Variants in GPRC6A observed in about 807,000 individuals in gnomAD.
GPRC6A encodes G protein-coupled receptor family C group 6 member A.
In GPRC6A, 54 loss-of-function variants were observed where a neutral mutation model predicts 47.0. The observed-to-expected ratio is 1.15, with a 90% CI of 0.92 to 1.44. GPRC6A has a LOEUF of 1.44. Ranked by LOEUF, GPRC6A falls within the 40% of genes most tolerant of loss-of-function variation. GPRC6A has a pLI of 0.00. For synonymous variants in GPRC6A, 347 were observed against 377.1 expected (o/e 0.92, Z 0.93); for missense variants, 1,112 against 1,105.5 (o/e 1.01, Z -0.08).
At chr6:116,812,727 T>C (rs999031003) in intron 1 of GPRC6A, among the ~76,000 whole-genome samples, 8 of 152,194 alleles carry the variant, frequency 5.3e-5, no homozygotes, top group African/African-American at 1.4e-4. Context: ...TCACCACTCC[T>C]ATTCAACATA....
chr6:116,806,956 G>C lies in GPRC6A; in HGVS notation c.749C>G (p.Ser250Ter). The C allele has an allele frequency of 6.2e-7, 1 of 1,613,502 alleles. No individual in the cohort carries two copies. The highest frequency in any genetic ancestry group is 8.5e-7 in the Non-Finnish European group (1 of 1,179,646). The change falls in exon 3 of 6, where the codon TCA (serine) becomes TGA (stop). Residue 250 changes from serine (S) to a stop codon, truncating the protein, a stop_gained. Transcript: ENST00000310357. LOFTEE classifies it high-confidence loss of function. ...AFKEVLPAFLSDNTIEVRINR... is the reference protein window; with the variant it reads ...AFKEVLPAFL Reference sequence around the variant, plus strand: ...GATTCTGACTTCAATGGTATTATCTGAAAGAAAGGCTGGAAGAACCTCTTT... The same window carrying C: ...GATTCTGACTTCAATGGTATTATCTCAAAGAAAGGCTGGAAGAACCTCTTT...
rs754131258 is a variant in GPRC6A, at chr6:116,792,843, A to T, written c.2080T>A (p.Leu694Ile). 1 of 1,614,074 alleles carries T rather than the reference A, an allele frequency of 6.2e-7. No individual in the cohort carries two copies. Among genetic ancestry groups the T allele is most frequent in the Non-Finnish European group, 8.5e-7 (1 of 1,179,972 alleles). Residue 694 changes from leucine to isoleucine, a missense_variant, in exon 6 of 6, where the codon TTA (leucine) becomes ATA (isoleucine). Physicochemically the swap from Leu to Ile is conservative, Grantham distance 5. Transcript: ENST00000310357. ...TAGAGGCACTTCAGAAATTTCTGTA[A>T]TTTGGGATCAAAGCTGAAGGCTAGC... ...ILLAFSFDPK[L>I]QKFLKCLYRP...
chr6:116,803,577 A>G (rs1460696473), intron 3 of GPRC6A, among the ~76,000 whole-genome samples: 2 of 152,126 alleles, frequency 1.3e-5, no homozygotes, highest in African/African-American at 4.8e-5. Flanking sequence ...TCAACTGCAC[A>G]TCAAAGTTTG....
Position 116,792,869 on chromosome 6 carries a change from A to G in GPRC6A, c.2054T>C (p.Leu685Ser), listed in dbSNP as rs751876928. The change falls in exon 6 of 6, where the codon TTG becomes TCG. Residue 685 changes from leucine (L) to serine (S), a missense_variant. Coordinates refer to ENST00000310357, the MANE Select transcript of GPRC6A (RefSeq NM_148963.4). Reference protein sequence around the residue: ...SCILTKSLKILLAFSFDPKLQ... With the variant: ...SCILTKSLKISLAFSFDPKLQ... The stretch of plus-strand genomic sequence containing the variant: ...TTTGGGATCAAAGCTGAAGGCTAGC[A>G]AAATTTTCAGAGACTTCGTCAAAAT... 1 of 1,614,118 alleles carries G rather than the reference A, an allele frequency of 6.2e-7. No homozygotes were observed. Among genetic ancestry groups the G allele is most frequent in the Non-Finnish European group, 8.5e-7 (1 of 1,179,990 alleles).
rs896468576 is a variant in GPRC6A at position 116,793,222 on chromosome 6, G to A, written c.1701C>T (p.Asn567=). The part of the protein sequence containing the change: ...TDMPHCLLCN[N]KTHWAPVRST... Reference sequence around the variant, plus strand: ...TCCTAACAGGGGCCCAGTGAGTTTTGTTGTTGCATAAAAGGCAGTGAGGCA... The same window carrying A: ...TCCTAACAGGGGCCCAGTGAGTTTTATTGTTGCATAAAAGGCAGTGAGGCA... Residue 567 remains asparagine, a synonymous_variant, in exon 6 of 6, where the codon AAC becomes AAT. Coordinates refer to ENST00000310357, the MANE Select transcript of GPRC6A (RefSeq NM_148963.4). 8.1e-6 allele frequency: 13 copies of A among 1,601,244 alleles called. No homozygotes were observed. The highest frequency in any genetic ancestry group is 1.7e-5 in the Admixed American group (1 of 57,418).
Position 116,809,560 on chromosome 6 carries a change from G to C in GPRC6A, c.252C>G (p.Ile84Met). ...CTCCAGGTAAGAGTGTTGAATTGTTGATCATCTCAATGCTGTGTATCATGG... is the reference window on the plus strand; with the variant it reads ...CTCCAGGTAAGAGTGTTGAATTGTTCATCATCTCAATGCTGTGTATCATGG... Reference protein sequence around the residue: ...TLAMIHSIEMINNSTLLPGVK... With the variant: ...TLAMIHSIEMMNNSTLLPGVK... Residue 84 changes from isoleucine to methionine, a missense_variant, in exon 2 of 6, where the codon ATC becomes ATG. By Grantham distance (10) the Ile-to-Met change is conservative (BLOSUM62 1). Transcript: ENST00000310357. The C allele has an allele frequency of 6.2e-7, 1 of 1,612,502 alleles. No homozygotes were observed. Among genetic ancestry groups the C allele is most frequent in the Non-Finnish European group, 8.5e-7 (1 of 1,178,758 alleles).
At chr6:116,823,873 A>T (rs1773590061) in intron 1 of GPRC6A, among the ~76,000 whole-genome samples, 1 of 152,042 alleles carries the variant, frequency 6.6e-6, no homozygotes, top group African/African-American at 2.4e-5. Flanking sequence ...GAGGGAGGGG[A>T]TATGCTACAC....
chr6:116,792,097 C>T lies in GPRC6A; in HGVS notation c.*45G>A. The T allele has an allele frequency of 1.3e-6, 2 of 1,504,722 alleles. No homozygotes were observed. The highest frequency in any genetic ancestry group is 1.8e-6 in the Non-Finnish European group (2 of 1,109,200). The allele number at this position is 1,504,722 out of a possible 1,614,324, so 93.2% of individuals were successfully genotyped here. ...AAATTTATATCTTAGATGCAAAGAC[C>T]CTGGAAACATTTTATTCTGGAATGT... On this transcript the variant is annotated 3_prime_UTR_variant, in exon 6 of 6. Transcript: ENST00000310357.
In GPRC6A at chr6:116,792,964, T is replaced by G; in HGVS notation, c.1959A>C (p.Glu653Asp). 1 of 1,614,086 alleles carries G rather than the reference T, an allele frequency of 6.2e-7. No individual in the cohort carries two copies. The highest frequency in any genetic ancestry group is 8.5e-7 in the Non-Finnish European group (1 of 1,179,958). The change falls in exon 6 of 6, where the codon GAA becomes GAC. Residue 653 changes from glutamate to aspartate, a missense_variant. Glu to Asp is a conservative substitution (Grantham distance 45). Coordinates refer to ENST00000310357, the MANE Select transcript of GPRC6A (RefSeq NM_148963.4). ...TGGTTTTACATGTGAAGTCTTGTGG[T>G]TCTCCAATGAAAAAGCTCGTGCTGG... The part of the protein sequence containing the change: ...NFASTSFFIG[E>D]PQDFTCKTRQ...
rs1166586365 is a variant in GPRC6A, at chr6:116,800,228, TTC to T, written c.1548+354_1548+355del. ...TCTCTCTTTTCTTTTCTTTCTTTCT[TTC>T]TCTCTTTCCTTCTTTCTCTCTCTCT... is the stretch of plus-strand genomic sequence containing the variant. On this transcript the variant is annotated intron_variant, in intron 4 of 5. Coordinates refer to ENST00000310357, the MANE Select transcript of GPRC6A (RefSeq NM_148963.4). Among the ~76,000 whole-genome samples the T allele has an allele frequency of 1.8e-3, 250 of 140,790 alleles. 1 individual carries two copies. Among genetic ancestry groups the T allele is most frequent in the African/African-American group, 6.3e-3 (236 of 37,746 alleles). 92.4% of individuals were successfully genotyped at this position (140,790 alleles called of 152,430 possible).
chr6:116,823,533 G>A (rs549287597), intron 1 of GPRC6A, among the ~76,000 whole-genome samples: 3 of 151,984 alleles, frequency 2.0e-5, no homozygotes, highest in Non-Finnish European at 4.4e-5. Context: ...TCATCTTCCT[G>A]TCTTCTTTGG....
In GPRC6A at chr6:116,804,641, A is replaced by C. The variant is rs368046853; in HGVS notation, c.1335+1729T>G. 2.6e-5 allele frequency among the ~76,000 whole-genome samples: 4 copies of C among 152,222 alleles called. No homozygotes were observed. The South Asian group carries it at 8.3e-4, about 32-fold the overall frequency. On this transcript the variant is annotated intron_variant, in intron 3 of 5. Transcript: ENST00000310357. Reference sequence around the variant, plus strand: ...TCTAGATTAACAGGCTCTGAGGGCAAAAAGAATGACTCCAGGCTCCTAGTG... The same window carrying C: ...TCTAGATTAACAGGCTCTGAGGGCACAAAGAATGACTCCAGGCTCCTAGTG...
chr6:116,826,161 G>T (rs1366336790), intron 1 of GPRC6A, among the ~76,000 whole-genome samples: 1 of 151,592 alleles, frequency 6.6e-6, no homozygotes, highest in Non-Finnish European at 1.5e-5. Context: ...GACCTCAAAA[G>T]CACAGACAAC....
chr6:116,804,989 A>G (rs904560347), intron 3 of GPRC6A, among the ~76,000 whole-genome samples: 2 of 152,072 alleles, frequency 1.3e-5, no homozygotes, highest in Non-Finnish European at 2.9e-5. Flanking sequence ...GCAGTGCACC[A>G]GGCCAAAAGC....
intron 1 of GPRC6A, among the ~76,000 whole-genome samples, chr6:116,814,542 G>GA (rs1562485168): frequency 6.6e-6 from 1 of 152,106 alleles, no homozygotes; most frequent in Non-Finnish European, 1.5e-5. Flanking sequence ...TCATAGGTGG[G>GA]AATTGAGCAA....
chr6:116,801,785 G>T (rs1772683784), intron 3 of GPRC6A, among the ~76,000 whole-genome samples: 3 of 152,104 alleles, frequency 2.0e-5, no homozygotes, highest in Non-Finnish European at 4.4e-5. Context: ...CCCCACAGAT[G>T]TCTTAGCTCT....
chr6:116,817,222 C>A (rs1773250976), intron 1 of GPRC6A, among the ~76,000 whole-genome samples: 2 of 152,202 alleles, frequency 1.3e-5, no homozygotes, highest in South Asian at 4.1e-4. Context: ...CAAGTGGGTC[C>A]CTGACCCCTG....
chr6:116,800,252 CT>C (rs2114585262), intron 4 of GPRC6A, among the ~76,000 whole-genome samples: 1 of 101,918 alleles, frequency 9.8e-6, no homozygotes, highest in East Asian at 2.9e-4. Flanking sequence ...CTTTCTCTCT[CT>C]CTTCCTTCCT....
At chr6:116,813,043 A>T (rs941100893) in intron 1 of GPRC6A, among the ~76,000 whole-genome samples, 2 of 152,216 alleles carry the variant, frequency 1.3e-5, no homozygotes, top group African/African-American at 4.8e-5. Flanking sequence ...TAGGAATCCA[A>T]CTTACAAGGG....
Sources: allele counts gnomAD v4.1 joint callset (sites outside exome capture counted in the v4.1 genomes callset), GRCh38; gene constraint gnomAD v4.1.1; transcripts MANE v1.5; gene names NCBI Gene and HGNC (gene_info 2026-07-23, HGNC 2026-07-21).